PCLO: variants seen among roughly 807,000 people sequenced by gnomAD.
The protein encoded by PCLO is piccolo presynaptic cytomatrix protein.
In PCLO, 82 loss-of-function variants were observed where a neutral mutation model predicts 427.5. The observed-to-expected ratio is 0.19, with a 90% CI of 0.16 to 0.23. The LOEUF (loss-of-function observed/expected upper bound fraction) is 0.23. Ranked by LOEUF, PCLO falls within the 10% of genes least tolerant of loss-of-function variation. The pLI, the probability that PCLO is intolerant of heterozygous loss-of-function variation, is 1.00. For missense variants in PCLO, 6,239 were observed against 6,115.9 expected (o/e 1.02, Z -0.67); for synonymous variants, 2,357 against 2,155.4 (o/e 1.09, Z -2.59).
chr7:83,065,356 T>G (rs1363977316), intron 3 of PCLO, among the ~76,000 whole-genome samples: 1 of 151,922 alleles, frequency 6.6e-6, no homozygotes, highest in East Asian at 1.9e-4. Flanking sequence ...GTATTAAATA[T>G]GTAAATAGTC....
chr7:82,808,274 A>G (rs1791497991), intron 20 of PCLO, among the ~76,000 whole-genome samples: 1 of 151,894 alleles, frequency 6.6e-6, no homozygotes, highest in African/African-American at 2.4e-5. Context: ...TTATTAAATT[A>G]AAATAATTTT....
Position 82,916,278 on chromosome 7 carries a change from T to C in PCLO, c.11708A>G (p.Tyr3903Cys), listed in dbSNP as rs1234078760. ...PALPTQAPTS[Y>C]TQQSHFEQQT... ...TTGCTCAAAATGAGACTGTTGAGTG[T>C]ATGAGGTGGGTGCTTGGGTAGGAAG... Residue 3903 changes from tyrosine (Y) to cysteine (C), a missense_variant, in exon 7 of 25, where the codon TAC becomes TGC. This residue lies in a region of PCLO where 680 missense variants were observed against 677.3 expected (regional missense o/e 1.00). Transcript: ENST00000333891. The C allele has an allele frequency of 1.2e-6, 2 of 1,613,544 alleles. No individual in the cohort carries two copies. Among genetic ancestry groups the C allele is most frequent in the Non-Finnish European group, 1.7e-6 (2 of 1,179,724 alleles).
intron 2 of PCLO, among the ~76,000 whole-genome samples, chr7:83,139,405 A>G (rs964683365): frequency 6.6e-6 from 1 of 152,188 alleles, no homozygotes; most frequent in East Asian, 1.9e-4. Flanking sequence ...CATAGCCAGT[A>G]TGCCCTAACA....
At position 82,821,448 on chromosome 7, in the gene PCLO, G is replaced by C. The variant is rs1037511268; in HGVS notation, c.14791+1047C>G. On this transcript the variant is annotated intron_variant, in intron 20 of 24. Transcript: ENST00000333891. Reference sequence around the variant, plus strand: ...ATGACACCACATGCACAGCACTAAAGGGGTTTAAAACTGGCTGTTTCTTTG... The same window carrying C: ...ATGACACCACATGCACAGCACTAAACGGGTTTAAAACTGGCTGTTTCTTTG... 1.1e-5 allele frequency: 11 copies of C among 985,368 alleles called. No individual in the cohort carries two copies. The African/African-American group carries it at 1.9e-4, about 17-fold the overall frequency. 61.0% of individuals were successfully genotyped at this position (985,368 alleles called of 1,614,324 possible).
chr7:83,019,542 A>C (rs1029705811), intron 3 of PCLO, among the ~76,000 whole-genome samples: 2 of 151,914 alleles, frequency 1.3e-5, no homozygotes, highest in African/African-American at 4.8e-5. Flanking sequence ...TTACCCTAGA[A>C]ATGTTCATAT....
intron 3 of PCLO, among the ~76,000 whole-genome samples, chr7:83,024,096 A>C (rs990859323): frequency 6.6e-6 from 1 of 152,098 alleles, no homozygotes; most frequent in Admixed American, 6.5e-5. Context: ...CAGCTCACTC[A>C]AGGAGCCAAG....
At chr7:83,007,419 T>TTAAAATCA (rs59354445) in intron 3 of PCLO, among the ~76,000 whole-genome samples, 82,719 of 150,346 alleles carry the variant, frequency 0.55, 23,324 homozygotes, top group East Asian at 0.85. Flanking sequence ...AAAGGGCATA[T>TTAAAATCA]TAAAATCATA....
At chr7:82,906,162 T>C (rs1176155446) in intron 8 of PCLO, among the ~76,000 whole-genome samples, 2 of 152,010 alleles carry the variant, frequency 1.3e-5, no homozygotes, top group East Asian at 3.9e-4. Context: ...TGATTGTGTG[T>C]CTAATAAAAA....
At chr7:82,913,864 G>A (rs1794381313) in intron 7 of PCLO, among the ~76,000 whole-genome samples, 1 of 151,938 alleles carries the variant, frequency 6.6e-6, no homozygotes, top group South Asian at 2.1e-4. Flanking sequence ...TACATGGGAT[G>A]ATACAAAAAA....
chr7:82,956,150 G>A lies in PCLO; in HGVS notation c.4803C>T (p.Gly1601=), dbSNP rs1269497907. ...GTCTGTGTTTCCCTGCTGTTATTTT[G>A]CCTTTTCCCTTTGTTTCTTCCTTCT... ...SQKKEETKGK[G]KITAGKHRRL... Residue 1601 remains glycine, a synonymous_variant, in exon 5 of 25, where the codon GGC becomes GGT. Transcript: ENST00000333891. The A allele has an allele frequency of 3.7e-6, 6 of 1,608,378 alleles. No homozygotes were observed. Among genetic ancestry groups the A allele is most frequent in the African/African-American group, 1.3e-5 (1 of 74,882 alleles).
chr7:82,827,397 T>C (rs1442597551), intron 17 of PCLO, among the ~76,000 whole-genome samples: 1 of 152,030 alleles, frequency 6.6e-6, no homozygotes, highest in African/African-American at 2.4e-5. Context: ...TCTGTAGAGA[T>C]TAGCACCACA....
intron 3 of PCLO, among the ~76,000 whole-genome samples, chr7:83,058,873 T>C (rs1192671854): frequency 6.6e-6 from 1 of 152,114 alleles, no homozygotes; most frequent in Non-Finnish European, 1.5e-5. Flanking sequence ...AGTCAGCATT[T>C]ATAAAAGCAT....
chr7:83,090,456 A>G (rs1239975876), intron 3 of PCLO, among the ~76,000 whole-genome samples: 1 of 152,222 alleles, frequency 6.6e-6, no homozygotes, highest in East Asian at 1.9e-4. Flanking sequence ...TTCAACCAAC[A>G]ATAAACATTC....
chr7:82,833,479 A>G (rs1219779087), intron 16 of PCLO, among the ~76,000 whole-genome samples: 1 of 152,064 alleles, frequency 6.6e-6, no homozygotes, highest in African/African-American at 2.4e-5. Context: ...TTTGCCCCTC[A>G]AAGTTTGAGT....
At chr7:82,850,661 C>A (rs1451333572) in intron 10 of PCLO, among the ~76,000 whole-genome samples, 1 of 152,120 alleles carries the variant, frequency 6.6e-6, no homozygotes, top group African/African-American at 2.4e-5. Flanking sequence ...ACAGGTTACT[C>A]TACATCCAAA....
chr7:82,764,683 G>A (rs984439446), intron 22 of PCLO, among the ~76,000 whole-genome samples: 1 of 151,776 alleles, frequency 6.6e-6, no homozygotes, highest in Non-Finnish European at 1.5e-5. Flanking sequence ...AGGCCAAAAT[G>A]CAGCAAATAA....
chr7:82,868,238 T>C (rs1294756364), intron 10 of PCLO: 1 of 456,454 alleles, frequency 2.2e-6, no homozygotes, highest in Admixed American at 2.3e-5. Flanking sequence ...ATAGAGACTT[T>C]CTTGCCTAGG....
chr7:83,058,571 A>C (rs531306944), intron 3 of PCLO, among the ~76,000 whole-genome samples: 1 of 152,298 alleles, frequency 6.6e-6, no homozygotes, highest in African/African-American at 2.4e-5. Flanking sequence ...CCTCAATAAT[A>C]ATTGCTAATA....
At chr7:82,855,246 T>C (rs2115871921) in intron 10 of PCLO, among the ~76,000 whole-genome samples, 1 of 152,240 alleles carries the variant, frequency 6.6e-6, no homozygotes, top group East Asian at 1.9e-4. Context: ...GTAAGCAAGA[T>C]ACTTATAAGT....
Sources: gnomAD v4.1 joint callset for allele counts (sites outside exome capture counted in the v4.1 genomes callset) on GRCh38, gnomAD v4.1.1 for gene constraint, gnomAD v4.1.1 regional missense constraint, MANE v1.5 for transcripts, NCBI Gene and HGNC (gene_info 2026-07-23, HGNC 2026-07-21) for gene names.